The following HIPK2 variants were observed in gnomAD, a reference collection of about 807,000 sequenced individuals.
HIPK2 encodes homeodomain interacting protein kinase 2, also known as homeodomain-interacting protein kinase 2.
Under a neutral mutation model 113.7 loss-of-function variants are expected in HIPK2, and 27 were observed. The ratio of observed to expected loss-of-function variants is 0.24; its 90% CI spans 0.17 to 0.33. The LOEUF (loss-of-function observed/expected upper bound fraction) is 0.33. HIPK2 is among the 10% of genes least tolerant of loss of function. HIPK2 has a pLI of 1.00. For synonymous variants in HIPK2, 631 were observed against 642.2 expected (o/e 0.98, Z 0.26); for missense variants, 1,257 against 1,588.0 (o/e 0.79, Z 3.54).
rs1798012589 is a variant in HIPK2 at position 139,563,722 on chromosome 7, A to G, written c.*9205T>C. On this transcript the variant is annotated 3_prime_UTR_variant, in exon 15 of 15. Coordinates refer to ENST00000406875, the MANE Select transcript of HIPK2 (RefSeq NM_022740.5). ...ACTATTTTACAGTAACATTTCCACC[A>G]AAAGACTGTCCTAAGAACACGCTGT... The G allele has an allele frequency of 1.3e-5, 5 of 397,920 alleles. No homozygotes were observed. The East Asian group carries it at 1.8e-4, about 14-fold the overall frequency. 24.6% of individuals were successfully genotyped at this position (397,920 alleles called of 1,614,324 possible). A position where few individuals can be genotyped will look rare whatever the true frequency, so the allele number is the denominator to read the frequency against.
chr7:139,708,393 A>G (rs530258473), intron 2 of HIPK2, among the ~76,000 whole-genome samples: 1 of 152,084 alleles, frequency 6.6e-6, no homozygotes, highest in Non-Finnish European at 1.5e-5. Context: ...TTTAAGAATT[A>G]GCTGCAGAGC....
At position 139,639,881 on chromosome 7, in the gene HIPK2, GTTTCAGAGT is replaced by G. The variant is rs569989618; in HGVS notation, c.1104-8165_1104-8157del. Reference sequence around the variant, plus strand: ...GAGAGGCAGACAGCTTGGCCTTTCTGTTTCAGAGTTTACATGGTTTTTTGGGTTGATCAT... The same window carrying G: ...GAGAGGCAGACAGCTTGGCCTTTCTGTTACATGGTTTTTTGGGTTGATCAT... On this transcript the variant is annotated intron_variant, in intron 2 of 14. Coordinates refer to ENST00000406875, the MANE Select transcript of HIPK2 (RefSeq NM_022740.5). Among the ~76,000 whole-genome samples the G allele has an allele frequency of 4.6e-5, 7 of 152,284 alleles. No homozygotes were observed. The East Asian group carries it at 1.4e-3, about 29-fold the overall frequency.
intron 2 of HIPK2, among the ~76,000 whole-genome samples, chr7:139,701,298 G>A (rs1382059179): frequency 6.6e-6 from 1 of 152,202 alleles, no homozygotes; most frequent in Non-Finnish European, 1.5e-5. Flanking sequence ...GGGAGGAGAA[G>A]AACAGGGAAA....
rs141013936 is a variant in HIPK2, at chr7:139,590,146, G to A, written c.2718-6082C>T. 4.9e-3 allele frequency among the ~76,000 whole-genome samples: 751 copies of A among 152,302 alleles called. 7 individuals are homozygous for A. The highest frequency in any genetic ancestry group is 0.017 in the African/African-American group (703 of 41,560). ...GGGATTCATTCCATGATTGCGTCTA[G>A]TTATTATTGACAGCTTATCAATCCC... On this transcript the variant is annotated intron_variant, in intron 12 of 14. Coordinates refer to ENST00000406875, the MANE Select transcript of HIPK2 (RefSeq NM_022740.5).
intron 1 of HIPK2, among the ~76,000 whole-genome samples, chr7:139,727,987 T>A (rs1348631456): frequency 1.4e-5 from 2 of 145,768 alleles, no homozygotes; most frequent in African/African-American, 5.2e-5. Context: ...TCACCCAGGC[T>A]GGAGTAGAGT....
chr7:139,703,761 CA>C (rs1368568938), intron 2 of HIPK2, among the ~76,000 whole-genome samples: 19,395 of 41,564 alleles, frequency 0.47, 1,578 homozygotes, highest in Admixed American at 0.48. Context: ...CACACACACA[CA>C]CCCACACACT....
chr7:139,674,965 C>T (rs1434916140), intron 2 of HIPK2, among the ~76,000 whole-genome samples: 1 of 152,218 alleles, frequency 6.6e-6, no homozygotes, highest in Admixed American at 6.5e-5. Flanking sequence ...TCGCACACTT[C>T]TGCATTTGCC....
chr7:139,695,113 C>T (rs920569682), intron 2 of HIPK2, among the ~76,000 whole-genome samples: 3 of 152,224 alleles, frequency 2.0e-5, no homozygotes, highest in African/African-American at 7.2e-5. Flanking sequence ...GTCTGTAGCT[C>T]AGTGCACGGA....
intron 2 of HIPK2, among the ~76,000 whole-genome samples, chr7:139,657,395 C>T (rs986482847): frequency 2.0e-5 from 3 of 152,184 alleles, no homozygotes; most frequent in African/African-American, 7.2e-5. Flanking sequence ...CTTCAGACCT[C>T]GTCCATTCGA....
chr7:139,703,030 C>T (rs1225266049), intron 2 of HIPK2, among the ~76,000 whole-genome samples: 3 of 152,260 alleles, frequency 2.0e-5, no homozygotes, highest in Admixed American at 6.5e-5. Context: ...ACCCTCCTGG[C>T]CATCCTGTGA....
chr7:139,573,914 G>A (rs967319299), intron 14 of HIPK2, among the ~76,000 whole-genome samples: 1 of 152,094 alleles, frequency 6.6e-6, no homozygotes, highest in Non-Finnish European at 1.5e-5. Flanking sequence ...ACTGGGCTGG[G>A]ATGATACACG....
intron 1 of HIPK2, among the ~76,000 whole-genome samples, chr7:139,747,578 A>C (rs10236187): frequency 0.21 from 31,673 of 152,156 alleles, 6,943 homozygotes; most frequent in African/African-American, 0.53. Flanking sequence ...CCTCACATTA[A>C]GCATCTCTTT....
At chr7:139,687,614 T>G (rs1388400222) in intron 2 of HIPK2, among the ~76,000 whole-genome samples, 1 of 152,202 alleles carries the variant, frequency 6.6e-6, no homozygotes, top group African/African-American at 2.4e-5. Context: ...AATTCTTGTC[T>G]CAGTCTATCC....
At chr7:139,763,688 G>A (rs548672437) in intron 1 of HIPK2, among the ~76,000 whole-genome samples, 6 of 152,302 alleles carry the variant, frequency 3.9e-5, no homozygotes, top group African/African-American at 1.4e-4. Context: ...ACAGTCTGTC[G>A]TCATTATTCC....
chr7:139,585,697 AAC>A (rs1303329074), intron 12 of HIPK2, among the ~76,000 whole-genome samples: 1 of 152,228 alleles, frequency 6.6e-6, no homozygotes, highest in East Asian at 1.9e-4. Context: ...AATGATACAC[AAC>A]ACATGGTAAG....
rs2116434908 is a variant in HIPK2, at chr7:139,570,952, A to AT, written c.*1974dup. The AT allele has an allele frequency of 6.6e-6, 1 of 152,344 alleles. No individual in the cohort carries two copies. The highest frequency in any genetic ancestry group is 2.1e-4 in the South Asian group (1 of 4,822). The allele number at this position is 152,344 out of a possible 1,614,324, so 9.4% of individuals were successfully genotyped here. On this transcript the variant is annotated 3_prime_UTR_variant, in exon 15 of 15. Transcript: ENST00000406875. ...GAACTCCCCACTTCTCCACACCTCC[A>AT]TCCCCAGAAGTGTCCAAAGCCTGAG...
intron 13 of HIPK2, chr7:139,583,492 C>T (rs1798735623): frequency 3.7e-6 from 1 of 273,206 alleles, no homozygotes; most frequent in African/African-American, 2.2e-5. Flanking sequence ...CCAGGAACTC[C>T]CCAGACCAGG....
At chr7:139,698,387 T>C (rs1794620448) in intron 2 of HIPK2, among the ~76,000 whole-genome samples, 1 of 152,240 alleles carries the variant, frequency 6.6e-6, no homozygotes. Context: ...CTTCCACCAT[T>C]TGGCTGTTGT....
At position 139,574,136 on chromosome 7, in the gene HIPK2, C is replaced by G. The variant is rs150094562; in HGVS notation, c.3127-739G>C. 5.4e-3 allele frequency among the ~76,000 whole-genome samples: 823 copies of G among 152,254 alleles called. 6 individuals carry two copies. The highest frequency in any genetic ancestry group is 0.018 in the African/African-American group (767 of 41,564). ...CCACCGCACCCGGCCAGGACACTCT[C>G]TTTGAGCAGCAGTTGCTTTCTTACT... On this transcript the variant is annotated intron_variant, in intron 14 of 14. Transcript: ENST00000406875.
Sources: gnomAD v4.1 joint callset for allele counts (sites outside exome capture counted in the v4.1 genomes callset) on GRCh38, gnomAD v4.1.1 for gene constraint, MANE v1.5 for transcripts, NCBI Gene and HGNC (gene_info 2026-07-23, HGNC 2026-07-21) for gene names.